The following RAB11FIP2 variants were observed in gnomAD, a reference collection of about 807,000 sequenced individuals.
RAB11FIP2 encodes the protein RAB11 family interacting protein 2.
RAB11FIP2 carries 16 observed loss-of-function variants against 40.9 expected under a neutral mutation model. The ratio of observed to expected loss-of-function variants is 0.39; its 90% CI spans 0.26 to 0.59. The LOEUF (loss-of-function observed/expected upper bound fraction) is 0.59. Among genes scored for constraint, RAB11FIP2 ranks in the 20% least tolerant of loss-of-function variants. The pLI, the probability that RAB11FIP2 is intolerant of heterozygous loss-of-function variation, is 0.53. For synonymous variants in RAB11FIP2, 228 were observed against 213.7 expected, an observed-to-expected ratio of 1.07 and a Z score of -0.58; for missense variants, 532 against 606.2, an observed-to-expected ratio of 0.88 and a Z score of 1.28.
intron 4 of RAB11FIP2, among the ~76,000 whole-genome samples, chr10:118,013,126 A>G (rs1009541425): frequency 3.3e-5 from 5 of 152,118 alleles, no homozygotes; most frequent in African/African-American, 9.7e-5. Context: ...CAAATTATCA[A>G]GACTCAAAAT....
In RAB11FIP2 at chr10:118,046,466, G is replaced by C. The variant is rs960802616; in HGVS notation, c.-303C>G. ...CACCTTCCCCAGGCCTGCGGGGCAC[G>C]TGAGGCCTGGCCACACGGACCCGGG... On this transcript the variant is annotated 5_prime_UTR_variant, in exon 1 of 5. Transcript: ENST00000355624. 23 of 299,582 alleles carry C rather than the reference G, an allele frequency of 7.7e-5. No homozygotes were observed. The highest frequency in any genetic ancestry group is 1.3e-4 in the Non-Finnish European group (21 of 160,974). 18.6% of individuals were successfully genotyped at this position (299,582 alleles called of 1,614,324 possible).
intron 2 of RAB11FIP2, 123 bp from the exon 3 acceptor site, chr10:118,039,563 T>C (rs1162416161): frequency 3.6e-6 from 3 of 825,434 alleles, no homozygotes; most frequent in East Asian, 2.7e-5. Flanking sequence ...TGTATTAACC[T>C]TCAAAAAATC....
At chr10:118,036,545 G>A (rs1032142155) in intron 3 of RAB11FIP2, among the ~76,000 whole-genome samples, 1 of 152,046 alleles carries the variant, frequency 6.6e-6, no homozygotes, top group Non-Finnish European at 1.5e-5. Context: ...TGCCAAAAGT[G>A]TGAACTGCAC....
chr10:118,025,015 C>T (rs1191994787), intron 3 of RAB11FIP2, among the ~76,000 whole-genome samples: 1 of 151,660 alleles, frequency 6.6e-6, no homozygotes, highest in African/African-American at 2.4e-5. Context: ...CAGGCTCCTA[C>T]ACTTGCTTCT....
chr10:118,045,825 T>G lies in RAB11FIP2; in HGVS notation c.339A>C (p.Gln113His). The G allele has an allele frequency of 6.2e-7, 1 of 1,603,060 alleles. No homozygotes were observed. ...INLNDIFEDKQRRKTEWFRLE... is the reference protein window; with the variant it reads ...INLNDIFEDKHRRKTEWFRLE... ...ACATAACTTACTCTGTTTTCCTTCTTTGTTTGTCCTCAAAGATGTCATTGA... is the reference window on the plus strand; with the variant it reads ...ACATAACTTACTCTGTTTTCCTTCTGTGTTTGTCCTCAAAGATGTCATTGA... Residue 113 changes from glutamine (Q) to histidine (H), a missense_variant, in exon 1 of 5, where the codon CAA (glutamine) becomes CAC (histidine). Transcript: ENST00000355624.
chr10:118,020,003 A>G (rs1285407648), intron 3 of RAB11FIP2, among the ~76,000 whole-genome samples: 1 of 152,186 alleles, frequency 6.6e-6, no homozygotes, highest in African/African-American at 2.4e-5. Flanking sequence ...AATTGTATTT[A>G]TTGGACTTTA....
intron 4 of RAB11FIP2, among the ~76,000 whole-genome samples, chr10:118,011,593 G>A (rs1357714911): frequency 1.3e-5 from 2 of 151,952 alleles, no homozygotes; most frequent in Admixed American, 6.6e-5. Flanking sequence ...ACTTCAACTC[G>A]AGTAATTCTG....
rs773371646 is a variant in RAB11FIP2, at chr10:118,040,336, C to T, written c.583G>A (p.Asp195Asn). 19 of 1,613,806 alleles carry T rather than the reference C, an allele frequency of 1.2e-5. No individual in the cohort carries two copies. In the South Asian group the frequency reaches 1.4e-4, roughly 12 times the overall value. ...CCACTTGAAAATTCACTATTGGCATCGGGCATGTGAGTACTTGGAATGATT... is the reference window on the plus strand; with the variant it reads ...CCACTTGAAAATTCACTATTGGCATTGGGCATGTGAGTACTTGGAATGATT... ...SAIIPSTHMPDANSEFSSGEI... is the reference protein window; with the variant it reads ...SAIIPSTHMPNANSEFSSGEI... Residue 195 changes from aspartate to asparagine, a missense_variant, in exon 2 of 5, where the codon GAT becomes AAT. Physicochemically the swap from Asp to Asn is conservative, Grantham distance 23. Coordinates refer to ENST00000355624, the MANE Select transcript of RAB11FIP2 (RefSeq NM_014904.3).
intron 4 of RAB11FIP2, among the ~76,000 whole-genome samples, chr10:118,012,705 A>C (rs1846173008): frequency 6.6e-6 from 1 of 152,056 alleles, no homozygotes; most frequent in South Asian, 2.1e-4. Context: ...AAAAACTTGC[A>C]AAATTCATAA....
intron 4 of RAB11FIP2, among the ~76,000 whole-genome samples, chr10:118,010,413 G>A (rs1174622648): frequency 6.6e-6 from 1 of 152,118 alleles, no homozygotes; most frequent in African/African-American, 2.4e-5. Flanking sequence ...GGGGACTGGT[G>A]AATGCAGAAT....
At position 118,039,174 on chromosome 10, in the gene RAB11FIP2, C is replaced by G; in HGVS notation, c.1063G>C (p.Glu355Gln). ...IRKENKREKR[E>Q]KVSLFERVTG... Reference sequence around the variant, plus strand: ...ACTCTTTCAAACAGGCTAACTTTCTCCCTTTTCTCTCTTTTATTTTCTTTT... The same window carrying G: ...ACTCTTTCAAACAGGCTAACTTTCTGCCTTTTCTCTCTTTTATTTTCTTTT... The change falls in exon 3 of 5, where the codon GAG becomes CAG. Residue 355 changes from glutamate to glutamine, a missense_variant. Physicochemically the swap from Glu to Gln is conservative, Grantham distance 29. Coordinates refer to ENST00000355624, the MANE Select transcript of RAB11FIP2 (RefSeq NM_014904.3). 1 of 1,613,692 alleles carries G rather than the reference C, an allele frequency of 6.2e-7. No homozygotes were observed. Among genetic ancestry groups the G allele is most frequent in the Non-Finnish European group, 8.5e-7 (1 of 1,179,810 alleles).
At chr10:118,021,331 C>T (rs1564831793) in intron 3 of RAB11FIP2, among the ~76,000 whole-genome samples, 3 of 152,036 alleles carry the variant, frequency 2.0e-5, no homozygotes, top group Admixed American at 6.6e-5. Context: ...AACATGTTTC[C>T]AAAGGAACAG....
intron 2 of RAB11FIP2, chr10:118,039,739 A>C (rs1337617833): frequency 2.7e-6 from 1 of 369,808 alleles, no homozygotes; most frequent in African/African-American, 2.1e-5. Context: ...AAATTCTCAG[A>C]GACTTTTTCA....
chr10:118,009,186 G>T lies in RAB11FIP2; in HGVS notation c.1351C>A (p.Leu451Met), dbSNP rs1411382926. Residue 451 changes from leucine (L) to methionine (M), a missense_variant, in exon 5 of 5, where the codon CTG becomes ATG. Leu to Met is a conservative substitution (Grantham distance 15, BLOSUM62 2). Coordinates refer to ENST00000355624, the MANE Select transcript of RAB11FIP2 (RefSeq NM_014904.3). Reference sequence around the variant, plus strand: ...TCCTGTAGAACCTCTTCATAGGTCAGACTACGATACCCTGCAGTGGCATCA... The same window carrying T: ...TCCTGTAGAACCTCTTCATAGGTCATACTACGATACCCTGCAGTGGCATCA... Reference protein sequence around the residue: ...PFDATAGYRSLTYEEVLQELV... With the variant: ...PFDATAGYRSMTYEEVLQELV... 1 of 1,613,408 alleles carries T rather than the reference G, an allele frequency of 6.2e-7. No individual in the cohort carries two copies. Among genetic ancestry groups the T allele is most frequent in the African/African-American group, 1.3e-5 (1 of 74,894 alleles).
intron 3 of RAB11FIP2, among the ~76,000 whole-genome samples, chr10:118,023,160 A>C (rs1337480766): frequency 6.6e-6 from 1 of 152,244 alleles, no homozygotes; most frequent in Non-Finnish European, 1.5e-5. Context: ...GACACAATAC[A>C]GATTAATTAG....
rs1846111334 is a variant in RAB11FIP2, at chr10:118,007,809, T to C, written c.*1189A>G. On this transcript the variant is annotated 3_prime_UTR_variant, in exon 5 of 5. Coordinates refer to ENST00000355624, the MANE Select transcript of RAB11FIP2 (RefSeq NM_014904.3). Reference sequence around the variant, plus strand: ...GAACATAATTTTGTAATAAATCAATTCTTAAAGGGTGGATGTGGAGTAATG... The same window carrying C: ...GAACATAATTTTGTAATAAATCAATCCTTAAAGGGTGGATGTGGAGTAATG... The C allele has an allele frequency of 6.6e-6, 1 of 152,270 alleles. No homozygotes were observed. Among genetic ancestry groups the C allele is most frequent in the Admixed American group, 6.6e-5 (1 of 15,244 alleles). The allele number at this position is 152,270 out of a possible 1,614,324, so 9.4% of individuals were successfully genotyped here. A position where few individuals can be genotyped will look rare whatever the true frequency, so the allele number is the denominator to read the frequency against.
chr10:118,026,379 T>C (rs1174271070), intron 3 of RAB11FIP2, among the ~76,000 whole-genome samples: 1 of 152,218 alleles, frequency 6.6e-6, no homozygotes. Context: ...ATTTCTGATA[T>C]ATTAAAGAAC....
At chr10:118,033,104 C>T (rs895335943) in intron 3 of RAB11FIP2, among the ~76,000 whole-genome samples, 3 of 151,992 alleles carry the variant, frequency 2.0e-5, no homozygotes, top group Non-Finnish European at 2.9e-5. Context: ...ATATAGGGTT[C>T]GGAACTGTGC....
At chr10:118,044,220 C>T (rs553003263) in intron 1 of RAB11FIP2, among the ~76,000 whole-genome samples, 2 of 152,244 alleles carry the variant, frequency 1.3e-5, no homozygotes, top group South Asian at 4.1e-4. Flanking sequence ...CTTGGGTTCA[C>T]ATTTGGTCCT....
Sources: allele counts gnomAD v4.1 joint callset (sites outside exome capture counted in the v4.1 genomes callset), GRCh38; gene constraint gnomAD v4.1.1; transcripts MANE v1.5; gene names NCBI Gene and HGNC (gene_info 2026-07-23, HGNC 2026-07-21).